Variants in RNF8 observed in about 807,000 individuals in gnomAD.
RNF8 encodes the protein E3 ubiquitin-protein ligase RNF8.
Under a neutral mutation model 59.3 loss-of-function variants are expected in RNF8, and 8 were observed. That is an observed-to-expected ratio of 0.13 (90% CI 0.08 to 0.24). RNF8 has a LOEUF of 0.24. Among genes scored for constraint, RNF8 ranks in the 10% least tolerant of loss-of-function variants. The probability of loss-of-function intolerance (pLI) is 1.00; values close to 1 mark genes in which losing one functional copy is unlikely to be tolerated. For synonymous variants in RNF8, 162 were observed against 200.0 expected, an observed-to-expected ratio of 0.81 and a Z score of 1.60; for missense variants, 406 against 572.6, an observed-to-expected ratio of 0.71 and a Z score of 2.97.
chr6:37,379,116 A>C (rs558028449), intron 6 of RNF8, among the ~76,000 whole-genome samples: 1 of 152,026 alleles, frequency 6.6e-6, no homozygotes, highest in African/African-American at 2.4e-5. Context: ...TCTTGGGTTC[A>C]TGTGATCCTG....
intron 6 of RNF8, among the ~76,000 whole-genome samples, chr6:37,378,034 C>T (rs1181303701): frequency 1.3e-5 from 2 of 152,230 alleles, no homozygotes; most frequent in African/African-American, 4.8e-5. Flanking sequence ...TGGCTCACAC[C>T]TGTAATCCCA....
rs1405061542 is a variant in RNF8, at chr6:37,391,978, TG to T, written c.*1222del. The T allele has an allele frequency of 6.6e-6, 1 of 152,472 alleles. No individual in the cohort carries two copies. Among genetic ancestry groups the T allele is most frequent in the Non-Finnish European group, 1.5e-5 (1 of 68,224 alleles). 9.4% of individuals were successfully genotyped at this position (152,472 alleles called of 1,614,324 possible). A position where few individuals can be genotyped will look rare whatever the true frequency, so the allele number is the denominator to read the frequency against. ...TACCCCATGTATTTTCATAAAGGGT[TG>T]GAAACTATTGATTGCCAACTTTTTA... On this transcript the variant is annotated 3_prime_UTR_variant, in exon 8 of 8. Transcript: ENST00000373479.
intron 7 of RNF8, among the ~76,000 whole-genome samples, chr6:37,388,134 G>T (rs1225611493): frequency 6.6e-6 from 1 of 152,210 alleles, no homozygotes; most frequent in Non-Finnish European, 1.5e-5. Flanking sequence ...ATCATGGCCA[G>T]TGATGATGGT....
intron 6 of RNF8, among the ~76,000 whole-genome samples, chr6:37,378,045 G>C (rs1256075990): frequency 6.6e-6 from 1 of 152,214 alleles, no homozygotes; most frequent in African/African-American, 2.4e-5. Flanking sequence ...TGTAATCCCA[G>C]CACTTTGGAA....
chr6:37,378,742 A>G (rs1357192683), intron 6 of RNF8, among the ~76,000 whole-genome samples: 1 of 151,482 alleles, frequency 6.6e-6, no homozygotes, highest in Non-Finnish European at 1.5e-5. Flanking sequence ...GTCCGTTTGG[A>G]CTTCAGATCG....
At chr6:37,380,836 C>T (rs1770231253) in intron 6 of RNF8, among the ~76,000 whole-genome samples, 1 of 152,038 alleles carries the variant, frequency 6.6e-6, no homozygotes, top group African/African-American at 2.4e-5. Context: ...GTGTGCACCA[C>T]TGTGACTGGC....
At chr6:37,364,178 C>CAAAAAAAAAAA (rs35915593) in intron 2 of RNF8, among the ~76,000 whole-genome samples, 1 of 82,320 alleles carries the variant, frequency 1.2e-5, no homozygotes, top group African/African-American at 5.0e-5. Flanking sequence ...GACTCTGTCT[C>CAAAAAAAAAAA]AAAAAAAAAA....
chr6:37,392,504 G>A lies in RNF8; in HGVS notation c.*1746G>A. On this transcript the variant is annotated 3_prime_UTR_variant, in exon 8 of 8. Coordinates refer to ENST00000373479, the MANE Select transcript of RNF8 (RefSeq NM_003958.4). ...TTACAGTTGCTTGTATATTCTTCCA[G>A]AGATCTCTGTCTATACAAGCAAAAA... The A allele has an allele frequency of 2.5e-6, 1 of 398,612 alleles. No homozygotes were observed. The highest frequency in any genetic ancestry group is 3.6e-5 in the East Asian group (1 of 28,066). 24.7% of individuals were successfully genotyped at this position (398,612 alleles called of 1,614,324 possible).
intron 7 of RNF8, among the ~76,000 whole-genome samples, chr6:37,383,816 G>A (rs1353915345): frequency 6.6e-6 from 1 of 151,758 alleles, no homozygotes; most frequent in African/African-American, 2.4e-5. Context: ...GGCTCTCTGG[G>A]ATATTGACAT....
rs1487136990 is a variant in RNF8, at chr6:37,378,611, A to AG, written c.1236+1578_1236+1579insG. On this transcript the variant is annotated intron_variant, in intron 6 of 7. Coordinates refer to ENST00000373479, the MANE Select transcript of RNF8 (RefSeq NM_003958.4). ...GCGAGACTCCGTCTCAAAAAAAAAA[A>AG]AAAAAAAAAAAAGAAAAACATATAC... Among the ~76,000 whole-genome samples the AG allele has an allele frequency of 9.3e-3, 1,362 of 147,042 alleles. 25 individuals are homozygous for AG. The highest frequency in any genetic ancestry group is 0.035 in the African/African-American group (1,286 of 37,066).
rs755864189 is a variant in RNF8, at chr6:37,360,391, C to T, written c.112-55C>T. On this transcript the variant is annotated intron_variant, in intron 1 of 7. Transcript: ENST00000373479. This position sits in a 1 kb window ranked among gnomAD's most constrained non-coding sequence, Gnocchi z 4.2. ...CTGGTTGATGAGATTTGTAAAGGAC[C>T]TCCCTTTTCAGCACAATGACTGATG... 1.3e-4 allele frequency: 216 copies of T among 1,602,458 alleles called. No homozygotes were observed. Among genetic ancestry groups the T allele is most frequent in the Non-Finnish European group, 1.7e-4 (202 of 1,170,728 alleles).
intron 4 of RNF8, among the ~76,000 whole-genome samples, 154 bp downstream of exon 4, chr6:37,371,728 A>T (rs1769814122): frequency 6.6e-6 from 1 of 152,156 alleles, no homozygotes; most frequent in South Asian, 2.1e-4. Context: ...ACACCATCAG[A>T]TCAGAGATTT....
chr6:37,390,520 G>A (rs967046665), intron 7 of RNF8, among the ~76,000 whole-genome samples: 2 of 152,138 alleles, frequency 1.3e-5, no homozygotes, highest in African/African-American at 2.4e-5. Context: ...CGCAGATTTT[G>A]TAGGGCCTTG....
At position 37,383,738 on chromosome 6, in the gene RNF8, G is replaced by T. The variant is rs1037883967; in HGVS notation, c.1441+2384G>T. On this transcript the variant is annotated intron_variant, in intron 7 of 7. Coordinates refer to ENST00000373479, the MANE Select transcript of RNF8 (RefSeq NM_003958.4). Reference sequence around the variant, plus strand: ...GTGTTAGGATGCTGGGTCCTGAGTTGGAGATGGATGCTCTGGAGCTAGGAC... The same window carrying T: ...GTGTTAGGATGCTGGGTCCTGAGTTTGAGATGGATGCTCTGGAGCTAGGAC... Among the ~76,000 whole-genome samples the T allele has an allele frequency of 4.6e-5, 7 of 152,332 alleles. No individual in the cohort carries two copies. In the East Asian group the frequency reaches 1.2e-3, roughly 25 times the overall value.
At chr6:37,380,567 A>G (rs1770211535) in intron 6 of RNF8, among the ~76,000 whole-genome samples, 1 of 149,434 alleles carries the variant, frequency 6.7e-6, no homozygotes, top group Non-Finnish European at 1.5e-5. Flanking sequence ...GCTACTCGGG[A>G]GGCTGAGGCA....
chr6:37,365,329 C>CG (rs1769504754), intron 2 of RNF8, among the ~76,000 whole-genome samples: 1 of 152,094 alleles, frequency 6.6e-6, no homozygotes, highest in African/African-American at 2.4e-5. Context: ...CCTGGGAATG[C>CG]GGGAAAGGTT....
chr6:37,362,348 T>C (rs1391755429), intron 2 of RNF8, among the ~76,000 whole-genome samples: 1 of 152,232 alleles, frequency 6.6e-6, no homozygotes, highest in Non-Finnish European at 1.5e-5. Context: ...GATCAGATCA[T>C]GACTGTGCTC....
chr6:37,381,111 A>G, intron 6 of RNF8, 39 bp from the exon 7 acceptor site: 2 of 1,555,650 alleles, frequency 1.3e-6, no homozygotes, highest in South Asian at 1.1e-5. Context: ...GAAAGTAAGC[A>G]TGAAAGTTCT....
intron 1 of RNF8, among the ~76,000 whole-genome samples, chr6:37,357,055 T>G (rs982436194): frequency 1.3e-5 from 2 of 152,188 alleles, no homozygotes; most frequent in African/African-American, 4.8e-5. Context: ...ACTTGTTATT[T>G]GAGAAACAGT....
Sources: gnomAD v4.1 joint callset for allele counts (sites outside exome capture counted in the v4.1 genomes callset) on GRCh38, gnomAD v4.1.1 for gene constraint, Gnocchi (gnomAD v3.1) non-coding constraint, MANE v1.5 for transcripts, NCBI Gene and HGNC (gene_info 2026-07-23, HGNC 2026-07-21) for gene names.